RGR: variants seen among roughly 807,000 people sequenced by gnomAD.
RGR encodes the protein retinal G protein coupled receptor.
In RGR, 30 loss-of-function variants were observed where a neutral mutation model predicts 28.6. The ratio of observed to expected loss-of-function variants is 1.05; its 90% CI spans 0.78 to 1.42. The LOEUF (loss-of-function observed/expected upper bound fraction) is 1.42. Ranked by LOEUF, RGR falls within the 40% of genes most tolerant of loss-of-function variation. The pLI, the probability that RGR is intolerant of heterozygous loss-of-function variation, is 0.00. For synonymous variants in RGR, 180 were observed against 156.4 expected (o/e 1.15, Z -1.13); for missense variants, 404 against 375.6 (o/e 1.08, Z -0.62).
chr10:84,247,983 A>T, intron 2 of RGR: 1 of 666,598 alleles, frequency 1.5e-6, no homozygotes, highest in East Asian at 2.9e-5. Context: ...GTAGAGATCA[A>T]TGGTGTGGGT....
At chr10:84,257,678 G>A (rs1466754384) in intron 5 of RGR, among the ~76,000 whole-genome samples, 1 of 152,226 alleles carries the variant, frequency 6.6e-6, no homozygotes, top group East Asian at 1.9e-4. Context: ...CACAGCAGCT[G>A]AGGTCAGGCA....
At chr10:84,257,363 C>T (rs1842901280) in intron 5 of RGR, among the ~76,000 whole-genome samples, 1 of 152,194 alleles carries the variant, frequency 6.6e-6, no homozygotes. Context: ...CGAGTTGGTT[C>T]TAGGACTGAG....
At chr10:84,257,763 G>A (rs1842905329) in intron 5 of RGR, 130 bp from the exon 6 acceptor site, 6 of 737,358 alleles carry the variant, frequency 8.1e-6, no homozygotes, top group South Asian at 5.9e-5. Flanking sequence ...TTCCCCTGCA[G>A]ACTCAGCCCC....
chr10:84,250,266 C>G (rs1842798680), intron 3 of RGR: 2 of 697,896 alleles, frequency 2.9e-6, no homozygotes, highest in Non-Finnish European at 5.4e-6. Context: ...CAGCCTCAAA[C>G]CATGGCATGT....
intron 2 of RGR, chr10:84,248,330 A>T (rs943316542): frequency 9.8e-6 from 4 of 410,234 alleles, no homozygotes; most frequent in African/African-American, 8.5e-5. Flanking sequence ...AGGGTCTTCC[A>T]TCACAGCTTC....
Position 84,248,639 on chromosome 10 carries a change from G to T in RGR, c.237-283G>T, listed in dbSNP as rs1842776738. 11 of 555,346 alleles carry T rather than the reference G, an allele frequency of 2.0e-5. No homozygotes were observed. The South Asian group carries it at 2.1e-4, about 10-fold the overall frequency. 34.4% of individuals were successfully genotyped at this position (555,346 alleles called of 1,614,324 possible). ...TCAGTTTCCCCACCTATCAAATACAGGCATGAGCTCTCCTGTGACAGAGGG... is the reference window on the plus strand; with the variant it reads ...TCAGTTTCCCCACCTATCAAATACATGCATGAGCTCTCCTGTGACAGAGGG... On this transcript the variant is annotated intron_variant, in intron 2 of 6. Coordinates refer to ENST00000652092, the MANE Select transcript of RGR (RefSeq NM_001012720.2).
intron 2 of RGR, chr10:84,248,555 C>T (rs1842776063): frequency 8.3e-6 from 3 of 361,890 alleles, no homozygotes; most frequent in East Asian, 6.5e-5. Context: ...GATCTCCCCT[C>T]TGACTTTGCC....
intron 2 of RGR, chr10:84,248,158 G>A (rs1265715484): frequency 2.6e-5 from 28 of 1,065,232 alleles, no homozygotes; most frequent in South Asian, 9.5e-5. Context: ...AGGACTCTAC[G>A]TAAGTGTTTG....
intron 2 of RGR, chr10:84,248,536 G>A: frequency 3.0e-6 from 1 of 329,494 alleles, no homozygotes; most frequent in Non-Finnish European, 5.8e-6. Context: ...TTAGGCTGGG[G>A]AGGCCTGGGA....
rs1017424016 is a variant in RGR, at chr10:84,258,827, G to A, written c.*188G>A. 53 of 766,454 alleles carry A rather than the reference G, an allele frequency of 6.9e-5. No individual in the cohort carries two copies. Among genetic ancestry groups the A allele is most frequent in the East Asian group, 4.4e-4 (16 of 36,124 alleles). The allele number at this position is 766,454 out of a possible 1,614,324, so 47.5% of individuals were successfully genotyped here. ...AAAGAGCCAGATGGACCTGAGTGTC[G>A]GTCACAGCCCCCTACACTCAAGGCT... On this transcript the variant is annotated 3_prime_UTR_variant, in exon 7 of 7. Transcript: ENST00000652092.
Position 84,252,979 on chromosome 10 carries a change from T to G in RGR, c.481T>G (p.Cys161Gly). Residue 161 changes from cysteine (C) to glycine (G), a missense_variant, in exon 4 of 7, where the codon TGC becomes GGC. Transcript: ENST00000652092. Reference sequence around the variant, plus strand: ...CTACGACTATGAGCCACTGGGGACATGCTGCACCCTGGACTACTCCAAGGG... The same window carrying G: ...CTACGACTATGAGCCACTGGGGACAGGCTGCACCCTGGACTACTCCAAGGG... Reference protein sequence around the residue: ...GHYDYEPLGTCCTLDYSKGDR... With the variant: ...GHYDYEPLGTGCTLDYSKGDR... 6.2e-7 allele frequency: 1 copy of G among 1,613,930 alleles called. No individual in the cohort carries two copies. The highest frequency in any genetic ancestry group is 8.5e-7 in the Non-Finnish European group (1 of 1,180,032).
intron 1 of RGR, among the ~76,000 whole-genome samples, chr10:84,246,631 G>A (rs1229795169): frequency 6.6e-6 from 1 of 152,148 alleles, no homozygotes; most frequent in African/African-American, 2.4e-5. Context: ...TCATTGGTCA[G>A]TGGGCACTTA....
At chr10:84,245,267 A>C in intron 1 of RGR, 98 bp downstream of exon 1, 2 of 1,237,616 alleles carry the variant, frequency 1.6e-6, no homozygotes, top group South Asian at 1.4e-5. Flanking sequence ...AGGTCCCCAA[A>C]CCCAGCTGGG....
In RGR at chr10:84,249,015, A is replaced by G; in HGVS notation, c.330A>G (p.Ala110=). Residue 110 remains alanine (A), a synonymous_variant, in exon 3 of 7, where the codon GCA becomes GCG. Transcript: ENST00000652092. The stretch of plus-strand genomic sequence containing the variant: ...GCATCTGCAGCAGTGCAGCCATCGC[A>G]TGGGGGCGTTATCACCACTACTGCA... ...LASICSSAAI[A]WGRYHHYCTR... is the part of the protein sequence containing the mutation. 1 of 1,614,034 alleles carries G rather than the reference A, an allele frequency of 6.2e-7. No individual in the cohort carries two copies. Among genetic ancestry groups the G allele is most frequent in the Non-Finnish European group, 8.5e-7 (1 of 1,179,936 alleles).
At chr10:84,254,179 C>A in intron 4 of RGR, 147 bp from the exon 5 acceptor site, 1 of 747,576 alleles carries the variant, frequency 1.3e-6, no homozygotes. Flanking sequence ...GGGAGTTCAC[C>A]TGGGACCCGG....
intron 3 of RGR, among the ~76,000 whole-genome samples, chr10:84,249,381 C>T (rs1023666994): frequency 3.3e-5 from 5 of 152,178 alleles, no homozygotes; most frequent in African/African-American, 1.2e-4. Flanking sequence ...GGTGTGACCT[C>T]GGCTCACTGC....
chr10:84,257,344 T>C (rs1218862500), intron 5 of RGR, among the ~76,000 whole-genome samples: 4 of 152,160 alleles, frequency 2.6e-5, no homozygotes, highest in Admixed American at 6.5e-5. Flanking sequence ...TGGCTGTAGC[T>C]GTGGATGACG....
intron 1 of RGR, 136 bp downstream of exon 1, chr10:84,245,305 T>C (rs1589328166): frequency 1.3e-6 from 1 of 765,380 alleles, no homozygotes; most frequent in Non-Finnish European, 2.1e-6. Context: ...TGCCTTCCCC[T>C]CTGTGCCCGG....
At chr10:84,257,075 C>A (rs937156128) in intron 5 of RGR, among the ~76,000 whole-genome samples, 1 of 152,202 alleles carries the variant, frequency 6.6e-6, no homozygotes, top group Non-Finnish European at 1.5e-5. Context: ...AGAAAATATG[C>A]CCTCTTCCAG....
Sources: gnomAD v4.1 joint callset for allele counts (sites outside exome capture counted in the v4.1 genomes callset) on GRCh38, gnomAD v4.1.1 for gene constraint, MANE v1.5 for transcripts, NCBI Gene and HGNC (gene_info 2026-07-23, HGNC 2026-07-21) for gene names.